The following PPEF1 variants were observed in gnomAD, a reference collection of about 807,000 sequenced individuals.
The protein encoded by PPEF1 is serine/threonine-protein phosphatase with EF-hands 1.
A neutral mutation model predicts 53.3 loss-of-function variants in PPEF1; 12 were observed. The observed-to-expected ratio is 0.23, with a 90% confidence interval of 0.14 to 0.36. The LOEUF is 0.36. Among genes scored for constraint, PPEF1 ranks in the 10% least tolerant of loss-of-function variants. The pLI is 1.00. For missense variants in PPEF1, 334 were observed against 490.4 expected (o/e 0.68, Z 3.01); for synonymous variants, 165 against 176.7 (o/e 0.93, Z 0.52).
intron 12 of PPEF1, among the ~76,000 whole-genome samples, chrX:18,811,759 C>G (rs2046816466): frequency 9.2e-6 from 1 of 108,722 alleles, no homozygotes; most frequent in South Asian, 4.1e-4. Flanking sequence ...AGGCACAAGC[C>G]AGCACACTTG....
intron 4 of PPEF1, among the ~76,000 whole-genome samples, chrX:18,692,019 T>C (rs2147243449): frequency 8.9e-6 from 1 of 112,093 alleles, no homozygotes; most frequent in African/African-American, 3.2e-5. Flanking sequence ...TTCCCCAGTG[T>C]TCTGCTTTTG....
chrX:18,806,399 C>T lies in PPEF1; in HGVS notation c.1252-4C>T. ...TGAACCTGACCCTCTTTTTCTTTAACCAGGTGGTGACTATATTTTCTGCTT... is the reference window on the plus strand; with the variant it reads ...TGAACCTGACCCTCTTTTTCTTTAATCAGGTGGTGACTATATTTTCTGCTT... On this transcript the variant is annotated splice_region_variant and splice_polypyrimidine_tract_variant and intron_variant, in intron 11 of 15. Transcript: ENST00000470157. 2.5e-6 allele frequency: 3 copies of T among 1,197,878 alleles called. No individual in the cohort carries two copies. Among genetic ancestry groups the T allele is most frequent in the Non-Finnish European group, 3.4e-6 (3 of 887,830 alleles).
upstream of PPEF1, among the ~76,000 whole-genome samples, chrX:18,705,372 C>G (rs76232270): frequency 0.014 from 1,590 of 111,468 alleles, 32 homozygotes; most frequent in South Asian, 0.16. Context: ...TGTTAATGTT[C>G]TTTAGCCATG....
intron 6 of PPEF1, among the ~76,000 whole-genome samples, chrX:18,778,086 A>G (rs1436536897): frequency 9.0e-6 from 1 of 111,109 alleles, no homozygotes; most frequent in Non-Finnish European, 1.9e-5. Context: ...TTTATATATG[A>G]GTAGTTAAAT....
chrX:18,689,479 C>T (rs1363093224), intron 3 of PPEF1, among the ~76,000 whole-genome samples: 5 of 105,027 alleles, frequency 4.8e-5, no homozygotes, highest in East Asian at 3.1e-4. Flanking sequence ...AGCTCACTCT[C>T]GACAGAGTGA....
At position 18,716,531 on chromosome X, in the gene PPEF1, CAA is replaced by C. The variant is rs34160021; in HGVS notation, c.46+8727_46+8728del. ...TGGGCGAGAGAGCGAGACACCATCT[CAA>C]AAAAAAAAAAAAAAAAAAAAATCGA... is the stretch of plus-strand genomic sequence containing the variant. On this transcript the variant is annotated intron_variant, in intron 1 of 15. Coordinates refer to ENST00000470157, the MANE Select transcript of PPEF1 (RefSeq NM_001377996.1). 3.0e-3 allele frequency among the ~76,000 whole-genome samples: 134 copies of C among 44,625 alleles called. 1 individual carries two copies. The highest frequency in any genetic ancestry group is 0.022 in the Middle Eastern group (2 of 91). 38.8% of individuals were successfully genotyped at this position (44,625 alleles called of 115,157 possible).
chrX:18,783,323 A>G (rs145169477), intron 8 of PPEF1, among the ~76,000 whole-genome samples: 186 of 109,791 alleles, frequency 1.7e-3, no homozygotes, highest in African/African-American at 5.8e-3. Context: ...TGGTTTGCAT[A>G]TGAAGGGCGA....
At chrX:18,810,723 G>A (rs1164855581) in intron 12 of PPEF1, among the ~76,000 whole-genome samples, 1 of 111,911 alleles carries the variant, frequency 8.9e-6, no homozygotes. Flanking sequence ...CCTTCTTATG[G>A]GTGAATAATA....
At chrX:18,689,460 C>T (rs758869052) in intron 3 of PPEF1, among the ~76,000 whole-genome samples, 3 of 105,021 alleles carry the variant, frequency 2.9e-5, no homozygotes, top group South Asian at 4.5e-4. Flanking sequence ...CCAGCCTGGG[C>T]GCGATCATAG....
chrX:18,739,354 G>T (rs1341749683), intron 3 of PPEF1, among the ~76,000 whole-genome samples: 1 of 112,525 alleles, frequency 8.9e-6, no homozygotes, highest in Admixed American at 9.4e-5. Context: ...CCTTCTAACA[G>T]TCAGGACCCT....
At chrX:18,763,334 A>G (rs2045705546) in intron 6 of PPEF1, among the ~76,000 whole-genome samples, 1 of 111,560 alleles carries the variant, frequency 9.0e-6, no homozygotes, top group Admixed American at 9.5e-5. Context: ...AATCCTAAAT[A>G]GGTCCTGTTA....
At chrX:18,757,539 C>T (rs1416550446) in intron 4 of PPEF1, 88 bp from the exon 5 acceptor site, 7 of 640,912 alleles carry the variant, frequency 1.1e-5, no homozygotes, top group South Asian at 2.6e-5. Context: ...CTGAAACGTG[C>T]GTGCTTGCTC....
At chrX:18,794,748 G>C (rs1235671040) in intron 10 of PPEF1, among the ~76,000 whole-genome samples, 1 of 112,216 alleles carries the variant, frequency 8.9e-6, no homozygotes, top group Admixed American at 9.4e-5. Flanking sequence ...AGGGGAATGA[G>C]GGATGCCCAT....
intron 6 of PPEF1, among the ~76,000 whole-genome samples, chrX:18,761,923 A>T (rs1223039190): frequency 9.0e-6 from 1 of 111,325 alleles, no homozygotes; most frequent in African/African-American, 3.3e-5. Flanking sequence ...TTGTTCAGGG[A>T]TGAGCATGTC....
intron 6 of PPEF1, among the ~76,000 whole-genome samples, chrX:18,767,756 T>G (rs1210475363): frequency 9.0e-6 from 1 of 110,903 alleles, no homozygotes; most frequent in African/African-American, 3.3e-5. Context: ...GAAAGCTTAG[T>G]TAGGAGAAGA....
chrX:18,756,196 T>G (rs75001753), intron 4 of PPEF1, among the ~76,000 whole-genome samples: 4 of 111,004 alleles, frequency 3.6e-5, no homozygotes, highest in Non-Finnish European at 3.8e-5. Context: ...ACTTTTTTTT[T>G]TGAGATAGAG....
Position 18,740,478 on chromosome X carries a change from C to A in PPEF1, c.235+6670C>A, listed in dbSNP as rs1055475151. ...AGGCTGCAGTGCAGTGGCACGGTCT[C>A]GGCTCACTGCAACCTCTGCCTCCCG... On this transcript the variant is annotated intron_variant, in intron 3 of 15. Transcript: ENST00000470157. Among the ~76,000 whole-genome samples, 2 of 107,516 alleles carry A rather than the reference C, an allele frequency of 1.9e-5. 1 individual carries two copies. Among genetic ancestry groups the A allele is most frequent in the Admixed American group, 2.0e-4 (2 of 9,988 alleles). 93.4% of individuals were successfully genotyped at this position (107,516 alleles called of 115,157 possible). A position where few individuals can be genotyped will look rare whatever the true frequency, so the allele number is the denominator to read the frequency against.
chrX:18,753,514 G>A (rs775192575), intron 4 of PPEF1, among the ~76,000 whole-genome samples: 155 of 110,724 alleles, frequency 1.4e-3, no homozygotes, highest in African/African-American at 4.8e-3. Flanking sequence ...ACTCTAATTC[G>A]TATTTTCTTT....
At chrX:18,793,708 C>T (rs1243233861) in intron 10 of PPEF1, among the ~76,000 whole-genome samples, 1 of 86,604 alleles carries the variant, frequency 1.2e-5, no homozygotes. Flanking sequence ...ACCCCCCGCC[C>T]GTGTATGAGT....
Sources: allele counts gnomAD v4.1 joint callset (sites outside exome capture counted in the v4.1 genomes callset), GRCh38; gene constraint gnomAD v4.1.1; transcripts MANE v1.5; gene names NCBI Gene and HGNC (gene_info 2026-07-23, HGNC 2026-07-21).